Variants in HID1 observed in about 807,000 individuals in gnomAD.
HID1 encodes HID1 domain containing, also known as protein HID1.
Under a neutral mutation model 89.7 loss-of-function variants are expected in HID1, and 42 were observed. That is an observed-to-expected ratio of 0.47 (90% CI 0.37 to 0.61). The LOEUF is 0.61. HID1 is among the 20% of genes least tolerant of loss of function. The pLI is 0.00. For synonymous variants in HID1, 442 were observed against 433.8 expected (o/e 1.02, Z -0.24); for missense variants, 854 against 1,039.3 (o/e 0.82, Z 2.45).
rs767154055 is a variant in HID1, at chr17:74,963,087, GAC to G, written c.388-8_388-7del. ...TCATCATCCTCTTCTCCCTGCTGGG[GAC>G]ACAGCACCCACAGGCTGCCTCAGTG... is the stretch of plus-strand genomic sequence containing the variant. On this transcript the variant is annotated splice_polypyrimidine_tract_variant and splice_region_variant and intron_variant, in intron 3 of 18. Coordinates refer to ENST00000425042, the MANE Select transcript of HID1 (RefSeq NM_030630.3). 6.3e-7 allele frequency: 1 copy of G among 1,587,740 alleles called. No individual in the cohort carries two copies. The highest frequency in any genetic ancestry group is 8.6e-7 in the Non-Finnish European group (1 of 1,163,090).
chr17:74,956,316 C>A (rs188356634), intron 12 of HID1, among the ~76,000 whole-genome samples: 2 of 152,310 alleles, frequency 1.3e-5, no homozygotes, highest in East Asian at 1.9e-4. Context: ...AAACTTGGCC[C>A]AAGTTCCCCA....
rs2039453365 is a variant in HID1 at position 74,959,984 on chromosome 17, C to T, written c.951+42G>A. 1 of 1,613,438 alleles carries T rather than the reference C, an allele frequency of 6.2e-7. No individual in the cohort carries two copies. Among genetic ancestry groups the T allele is most frequent in the African/African-American group, 1.3e-5 (1 of 75,064 alleles). On this transcript the variant is annotated intron_variant, in intron 7 of 18. Transcript: ENST00000425042. This position sits in a 1 kb window ranked among gnomAD's most constrained non-coding sequence, Gnocchi z 4.6. ...GGTGAGCAGGCGTCCTCCCCACAAC[C>T]CGTGGCCCCGGCAGCTGTCCCTTCC...
At chr17:74,960,856 A>C (rs1276866875) in intron 6 of HID1, among the ~76,000 whole-genome samples, 1 of 152,240 alleles carries the variant, frequency 6.6e-6, no homozygotes, top group Non-Finnish European at 1.5e-5. Flanking sequence ...CCTGCCGGGC[A>C]CAGACCCTAT....
chr17:74,959,125 A>G lies in HID1; in HGVS notation c.1009-74T>C. On this transcript the variant is annotated intron_variant, in intron 8 of 18. Transcript: ENST00000425042. The surrounding 1 kb of genome is among the most constrained non-coding windows in gnomAD (Gnocchi z 4.6). ...CTCCAGTTTCCCAGCCCAGGCCCCC[A>G]ACAAATCCCCCCCTCCATCCCCCAG... is the stretch of plus-strand genomic sequence containing the variant. The G allele has an allele frequency of 2.1e-6, 3 of 1,423,496 alleles. No homozygotes were observed. The highest frequency in any genetic ancestry group is 2.8e-6 in the Non-Finnish European group (3 of 1,085,504). The allele number at this position is 1,423,496 out of a possible 1,614,324, so 88.2% of individuals were successfully genotyped here. A position where few individuals can be genotyped will look rare whatever the true frequency, so the allele number is the denominator to read the frequency against.
In HID1 at chr17:74,962,290, C is replaced by T. The variant is rs907705358; in HGVS notation, c.555G>A (p.Glu185=). The change falls in exon 5 of 19, where the codon GAG becomes GAA. Residue 185 remains glutamate (E), a synonymous_variant. Transcript: ENST00000425042. This position sits in a 1 kb window ranked among gnomAD's most constrained non-coding sequence, Gnocchi z 4.3. ...HSLDSCEYIW[E]AGVGFAHSPQ... is the part of the protein sequence containing the mutation. ...GGGAGTGAGCGAAGCCCACACCAGC[C>T]TCCCAGATGTATTCACAGCTGTCCA... The T allele has an allele frequency of 1.9e-6, 3 of 1,612,546 alleles. No individual in the cohort carries two copies. Among genetic ancestry groups the T allele is most frequent in the Non-Finnish European group, 2.5e-6 (3 of 1,179,002 alleles).
rs1013453380 is a variant in HID1 at position 74,972,495 on chromosome 17, C to A, written c.66+96G>T. 1 of 1,166,316 alleles carries A rather than the reference C, an allele frequency of 8.6e-7. No homozygotes were observed. The highest frequency in any genetic ancestry group is 1.6e-5 in the African/African-American group (1 of 63,182). The allele number at this position is 1,166,316 out of a possible 1,614,324, so 72.2% of individuals were successfully genotyped here. A position where few individuals can be genotyped will look rare whatever the true frequency, so the allele number is the denominator to read the frequency against. ...GCGTTACGCTCGGGGCCCGCCCGTCCCCCCATCTCCCGACGAGCCAAGTTC... is the reference window on the plus strand; with the variant it reads ...GCGTTACGCTCGGGGCCCGCCCGTCACCCCATCTCCCGACGAGCCAAGTTC... On this transcript the variant is annotated intron_variant, in intron 1 of 18. Transcript: ENST00000425042. The surrounding 1 kb of genome is among the most constrained non-coding windows in gnomAD (Gnocchi z 6.4).
intron 1 of HID1, among the ~76,000 whole-genome samples, chr17:74,965,778 G>A (rs774672085): frequency 5.9e-5 from 9 of 151,268 alleles, no homozygotes; most frequent in African/African-American, 1.7e-4. Flanking sequence ...TTAGCCAGGC[G>A]TGGTGGCAGG....
At position 74,958,070 on chromosome 17, in the gene HID1, A is replaced by T; in HGVS notation, c.1471+71T>A. ...CTGGAGGGGCTTGAAACCTGGAGCAAGTGGCAGGTTGGCCTGTGGCCTGAC... is the reference window on the plus strand; with the variant it reads ...CTGGAGGGGCTTGAAACCTGGAGCATGTGGCAGGTTGGCCTGTGGCCTGAC... On this transcript the variant is annotated intron_variant, in intron 12 of 18. Transcript: ENST00000425042. This position sits in a 1 kb window ranked among gnomAD's most constrained non-coding sequence, Gnocchi z 5.2. 7.2e-7 allele frequency: 1 copy of T among 1,387,024 alleles called. No homozygotes were observed. 85.9% of individuals were successfully genotyped at this position (1,387,024 alleles called of 1,614,324 possible).
rs1482466500 is a variant in HID1 at position 74,964,498 on chromosome 17, G to T, written c.201C>A (p.Ala67=). Residue 67 remains alanine (A), a synonymous_variant, in exon 2 of 19, where the codon GCC becomes GCA. Coordinates refer to ENST00000425042, the MANE Select transcript of HID1 (RefSeq NM_030630.3). ...AVREESPSNL[A]TLCYKAVEKL... ...CAGCCCTCACCTTGTAGCACAGGGTGGCCAAGTTGGAGGGTGACTCTTCCC... is the reference window on the plus strand; with the variant it reads ...CAGCCCTCACCTTGTAGCACAGGGTTGCCAAGTTGGAGGGTGACTCTTCCC... 1 of 1,609,962 alleles carries T rather than the reference G, an allele frequency of 6.2e-7. No homozygotes were observed. Among genetic ancestry groups the T allele is most frequent in the Non-Finnish European group, 8.5e-7 (1 of 1,178,512 alleles).
At chr17:74,956,704 C>T (rs1389340690) in intron 12 of HID1, among the ~76,000 whole-genome samples, 1 of 152,210 alleles carries the variant, frequency 6.6e-6, no homozygotes. Context: ...CACAGACAGA[C>T]CAGCCACCCC....
Position 74,958,541 on chromosome 17 carries a change from G to T in HID1, c.1241-63C>A. ...AGGGGGAAGGAGGGGCCCAGGCAGT[G>T]ACCATTTTGGAGGCCTCCCTCCTAG... On this transcript the variant is annotated intron_variant, in intron 10 of 18. Transcript: ENST00000425042. The surrounding 1 kb of genome is among the most constrained non-coding windows in gnomAD (Gnocchi z 5.2). 1 of 1,577,728 alleles carries T rather than the reference G, an allele frequency of 6.3e-7. No homozygotes were observed. Among genetic ancestry groups the T allele is most frequent in the South Asian group, 1.1e-5 (1 of 87,218 alleles).
chr17:74,961,809 G>T, intron 6 of HID1, 64 bp downstream of exon 6: 1 of 1,003,964 alleles, frequency 1.0e-6, no homozygotes, highest in Non-Finnish European at 1.4e-6. Flanking sequence ...CTGGCGAATG[G>T]ACTCAGCTCT....
rs185815323 is a variant in HID1 at position 74,962,222 on chromosome 17, G to C, written c.611+12C>G. ...AGCTGCATTGAGGGCTCCGGGCCTGGGCGAAGCTCACCGGTTCATATCGTG... is the reference window on the plus strand; with the variant it reads ...AGCTGCATTGAGGGCTCCGGGCCTGCGCGAAGCTCACCGGTTCATATCGTG... On this transcript the variant is annotated intron_variant, in intron 5 of 18. Coordinates refer to ENST00000425042, the MANE Select transcript of HID1 (RefSeq NM_030630.3). The surrounding 1 kb of genome is among the most constrained non-coding windows in gnomAD (Gnocchi z 4.3). The C allele has an allele frequency of 6.3e-7, 1 of 1,596,310 alleles. No homozygotes were observed. The highest frequency in any genetic ancestry group is 8.6e-7 in the Non-Finnish European group (1 of 1,166,502).
chr17:74,952,905 A>T, intron 16 of HID1, 101 bp downstream of exon 16: 1 of 882,076 alleles, frequency 1.1e-6, no homozygotes, highest in Non-Finnish European at 1.7e-6. Flanking sequence ...TGCCATCTTC[A>T]CTGAGCTTCC....
In HID1 at chr17:74,962,085, G is replaced by A; in HGVS notation, c.612-96C>T. 2.6e-6 allele frequency: 3 copies of A among 1,146,080 alleles called. No individual in the cohort carries two copies. Among genetic ancestry groups the A allele is most frequent in the Non-Finnish European group, 2.4e-6 (2 of 817,220 alleles). 71.0% of individuals were successfully genotyped at this position (1,146,080 alleles called of 1,614,324 possible). A position where few individuals can be genotyped will look rare whatever the true frequency, so the allele number is the denominator to read the frequency against. On this transcript the variant is annotated intron_variant, in intron 5 of 18. Coordinates refer to ENST00000425042, the MANE Select transcript of HID1 (RefSeq NM_030630.3). This position sits in a 1 kb window ranked among gnomAD's most constrained non-coding sequence, Gnocchi z 4.3. ...GCGCCCCAGCCCAGGTCCATGGAAG[G>A]AAGTTACTCCCGTTGACCCCTGTAA...
intron 17 of HID1, 63 bp downstream of exon 17, chr17:74,952,206 A>G: frequency 2.0e-6 from 3 of 1,536,558 alleles, no homozygotes; most frequent in African/African-American, 2.7e-5. Context: ...TGCCCACACC[A>G]CCGGCCCCGC....
chr17:74,954,501 G>A lies in HID1; in HGVS notation c.1637-136C>T, dbSNP rs138301273. On this transcript the variant is annotated intron_variant, in intron 13 of 18. Coordinates refer to ENST00000425042, the MANE Select transcript of HID1 (RefSeq NM_030630.3). ...CAAGGGGTTGGAGATGGTACAGGGA[G>A]CCCAAGAGAGGGTGCTGGGGCAGGG... 2.7e-6 allele frequency: 4 copies of A among 1,461,736 alleles called. No individual in the cohort carries two copies. In the East Asian group the frequency reaches 9.9e-5, roughly 36 times the overall value. The allele number at this position is 1,461,736 out of a possible 1,614,324, so 90.5% of individuals were successfully genotyped here.
Position 74,958,799 on chromosome 17 carries a change from C to G in HID1, c.1150-36G>C, listed in dbSNP as rs2039434757. 1 of 1,606,420 alleles carries G rather than the reference C, an allele frequency of 6.2e-7. No individual in the cohort carries two copies. The highest frequency in any genetic ancestry group is 1.1e-5 in the South Asian group (1 of 90,394). On this transcript the variant is annotated intron_variant, in intron 9 of 18. Coordinates refer to ENST00000425042, the MANE Select transcript of HID1 (RefSeq NM_030630.3). The surrounding 1 kb of genome is among the most constrained non-coding windows in gnomAD (Gnocchi z 5.2). ...GGGGAGGGGCCAAGTGGGCTGAGTTCAAGGGAGGGGCAGCTCTGCCCCACC... is the reference window on the plus strand; with the variant it reads ...GGGGAGGGGCCAAGTGGGCTGAGTTGAAGGGAGGGGCAGCTCTGCCCCACC...
At chr17:74,963,427 G>A (rs913406589) in intron 3 of HID1, 8 of 500,166 alleles carry the variant, frequency 1.6e-5, no homozygotes, top group African/African-American at 9.7e-5. Flanking sequence ...GGGGGAGAGA[G>A]GACAGTGTGG....
Sources: allele counts gnomAD v4.1 joint callset (sites outside exome capture counted in the v4.1 genomes callset), GRCh38; gene constraint gnomAD v4.1.1; non-coding constraint Gnocchi (gnomAD v3.1); transcripts MANE v1.5; gene names NCBI Gene and HGNC (gene_info 2026-07-23, HGNC 2026-07-21).